The following SLX4IP variants were observed in gnomAD, a reference collection of about 807,000 sequenced individuals.
SLX4IP encodes SLX4 interacting protein, also known as protein SLX4IP.
A neutral mutation model predicts 32.9 loss-of-function variants in SLX4IP; 34 were observed. The observed-to-expected ratio is 1.03, with a 90% CI of 0.79 to 1.38. The LOEUF is 1.38. Among genes scored for constraint, SLX4IP ranks in the 40% most tolerant of loss-of-function variants. The pLI is 0.00. For missense variants in SLX4IP, 444 were observed against 479.0 expected, an observed-to-expected ratio of 0.93 and a Z score of 0.68; for synonymous variants, 172 against 171.7, an observed-to-expected ratio of 1.00 and a Z score of -0.01.
chr20:10,436,379 T>C (rs1156659690), intron 1 of SLX4IP, among the ~76,000 whole-genome samples: 1 of 151,732 alleles, frequency 6.6e-6, no homozygotes, highest in Non-Finnish European at 1.5e-5. Context: ...TTTTTTTAGA[T>C]GGAGTCTCGC....
intron 2 of SLX4IP, among the ~76,000 whole-genome samples, chr20:10,464,164 C>T (rs2065361620): frequency 6.6e-6 from 1 of 151,942 alleles, no homozygotes; most frequent in African/African-American, 2.4e-5. Context: ...CTGGATGAGG[C>T]AGAAGAGGCC....
chr20:10,519,444 C>T (rs1218769737), intron 2 of SLX4IP, among the ~76,000 whole-genome samples: 1 of 152,170 alleles, frequency 6.6e-6, no homozygotes, highest in Non-Finnish European at 1.5e-5. Context: ...TTGTTATGGA[C>T]ATATCATATA....
chr20:10,551,745 A>G (rs2066220093), intron 2 of SLX4IP, among the ~76,000 whole-genome samples: 1 of 152,236 alleles, frequency 6.6e-6, no homozygotes, highest in Non-Finnish European at 1.5e-5. Context: ...TCGAGGATGC[A>G]TAGGATCTCA....
chr20:10,598,591 T>G (rs1229401402), intron 4 of SLX4IP, 84 bp from the exon 5 acceptor site: 3 of 1,223,110 alleles, frequency 2.5e-6, no homozygotes, highest in Non-Finnish European at 3.6e-6. Flanking sequence ...ATTGAATGTG[T>G]CTTTTATGGC....
intron 2 of SLX4IP, among the ~76,000 whole-genome samples, chr20:10,516,493 A>T (rs1312762640): frequency 6.6e-6 from 1 of 152,194 alleles, no homozygotes. Context: ...CAGAAAAGAA[A>T]TTGCTGTGGG....
At chr20:10,617,286 C>T (rs1031399208) in intron 6 of SLX4IP, among the ~76,000 whole-genome samples, 4 of 152,164 alleles carry the variant, frequency 2.6e-5, no homozygotes, top group Non-Finnish European at 5.9e-5. Flanking sequence ...TAGATGCCCT[C>T]GCCCCATCCC....
At chr20:10,500,424 G>C (rs1367416130) in intron 2 of SLX4IP, among the ~76,000 whole-genome samples, 1 of 151,970 alleles carries the variant, frequency 6.6e-6, no homozygotes, top group Non-Finnish European at 1.5e-5. Context: ...CCACTGATGT[G>C]TTAAAGTTCT....
At chr20:10,546,112 C>T (rs1269976137) in intron 2 of SLX4IP, among the ~76,000 whole-genome samples, 3 of 152,182 alleles carry the variant, frequency 2.0e-5, no homozygotes, top group Non-Finnish European at 4.4e-5. Context: ...TTCCCATACT[C>T]CTGTTTCAGA....
intron 4 of SLX4IP, among the ~76,000 whole-genome samples, chr20:10,592,425 C>T (rs1283307670): frequency 1.3e-5 from 2 of 151,848 alleles, no homozygotes; most frequent in Non-Finnish European, 2.9e-5. Flanking sequence ...AAGGCTTTTT[C>T]ATAGGCCCCA....
At chr20:10,457,445 T>A (rs2065294202) in intron 1 of SLX4IP, among the ~76,000 whole-genome samples, 1 of 142,376 alleles carries the variant, frequency 7.0e-6, no homozygotes, top group South Asian at 2.4e-4. Context: ...CATTTTGGGT[T>A]TTTTTTTTTT....
At chr20:10,497,830 TA>T (rs527579891) in intron 2 of SLX4IP, among the ~76,000 whole-genome samples, 2 of 151,984 alleles carry the variant, frequency 1.3e-5, no homozygotes, top group Admixed American at 6.6e-5. Flanking sequence ...CTTCTTCCTT[TA>T]AAAAAATTTT....
At chr20:10,558,934 C>CCA (rs1374043382) in intron 3 of SLX4IP, among the ~76,000 whole-genome samples, 1 of 152,136 alleles carries the variant, frequency 6.6e-6, no homozygotes, top group African/African-American at 2.4e-5. Flanking sequence ...AAGGAAAGCC[C>CCA]CACAGCTAGA....
chr20:10,578,567 A>G (rs369333816), intron 4 of SLX4IP, among the ~76,000 whole-genome samples: 1 of 152,168 alleles, frequency 6.6e-6, no homozygotes, highest in African/African-American at 2.4e-5. Context: ...TTGAGTGGAC[A>G]TATGTTTTCA....
At chr20:10,532,363 A>G (rs1216288057) in intron 2 of SLX4IP, among the ~76,000 whole-genome samples, 2 of 152,098 alleles carry the variant, frequency 1.3e-5, no homozygotes, top group African/African-American at 2.4e-5. Flanking sequence ...TTATTTGTCA[A>G]TTAAAAGAAA....
chr20:10,530,138 G>A (rs79470653), intron 2 of SLX4IP, among the ~76,000 whole-genome samples: 4,489 of 152,274 alleles, frequency 0.029, 112 homozygotes, highest in Admixed American at 0.09. Flanking sequence ...GGAAACAATC[G>A]TGTAAGAAGG....
chr20:10,559,420 G>T (rs975552187), intron 3 of SLX4IP, among the ~76,000 whole-genome samples: 1 of 152,132 alleles, frequency 6.6e-6, no homozygotes, highest in Non-Finnish European at 1.5e-5. Flanking sequence ...GTTTTAATTT[G>T]TGAAGATTCT....
At chr20:10,444,886 T>C (rs1419722512) in intron 1 of SLX4IP, among the ~76,000 whole-genome samples, 1 of 152,094 alleles carries the variant, frequency 6.6e-6, no homozygotes, top group Non-Finnish European at 1.5e-5. Flanking sequence ...TTTGGGGGGA[T>C]ACCAACATGT....
intron 2 of SLX4IP, among the ~76,000 whole-genome samples, chr20:10,542,471 C>T (rs1052239824): frequency 6.6e-6 from 1 of 152,192 alleles, no homozygotes; most frequent in Non-Finnish European, 1.5e-5. Context: ...TTACTTTCTT[C>T]AGCTGATGCT....
chr20:10,491,081 C>CA (rs377617528), intron 2 of SLX4IP, among the ~76,000 whole-genome samples: 4 of 151,278 alleles, frequency 2.6e-5, no homozygotes, highest in African/African-American at 9.7e-5. Context: ...TAAAAAAAAA[C>CA]ACAGGTTGTT....
Sources: gnomAD v4.1 joint callset for allele counts (sites outside exome capture counted in the v4.1 genomes callset) on GRCh38, gnomAD v4.1.1 for gene constraint, MANE v1.5 for transcripts, NCBI Gene and HGNC (gene_info 2026-07-23, HGNC 2026-07-21) for gene names.